Variants in SLC38A4 observed in about 807,000 individuals in gnomAD.
SLC38A4 encodes solute carrier family 38 member 4.
A neutral mutation model predicts 63.1 loss-of-function variants in SLC38A4; 20 were observed. The observed-to-expected ratio is 0.32, with a 90% CI of 0.22 to 0.46. The LOEUF (loss-of-function observed/expected upper bound fraction) is 0.46, where lower values mean the gene tolerates loss of function less well. Among genes scored for constraint, SLC38A4 ranks in the 20% least tolerant of loss-of-function variants. The probability of loss-of-function intolerance (pLI) is 1.00; values close to 1 mark genes in which losing one functional copy is unlikely to be tolerated. For missense variants in SLC38A4, 526 were observed against 663.6 expected, an observed-to-expected ratio of 0.79 and a Z score of 2.28; for synonymous variants, 230 against 225.5, an observed-to-expected ratio of 1.02 and a Z score of -0.18.
chr12:46,799,528 C>T (rs773447461), intron 2 of SLC38A4, among the ~76,000 whole-genome samples: 2 of 151,988 alleles, frequency 1.3e-5, no homozygotes, highest in Non-Finnish European at 2.9e-5. Context: ...AACCCGGGGT[C>T]GGAGGTTGCA....
chr12:46,829,182 G>T (rs1336920278), upstream of SLC38A4, among the ~76,000 whole-genome samples: 1 of 152,134 alleles, frequency 6.6e-6, no homozygotes. Context: ...AAGATTAAAT[G>T]AGATTCACAT....
intron 7 of SLC38A4, among the ~76,000 whole-genome samples, chr12:46,783,063 G>C (rs959476024): frequency 6.9e-5 from 4 of 58,104 alleles, no homozygotes; most frequent in Non-Finnish European, 1.3e-4. Flanking sequence ...TGTGTGTTAG[G>C]GTTGGAGGAC....
chr12:46,772,767 A>C (rs1477465247), intron 14 of SLC38A4, among the ~76,000 whole-genome samples: 2 of 152,134 alleles, frequency 1.3e-5, no homozygotes, highest in African/African-American at 4.8e-5. Flanking sequence ...TAAGAAAGAG[A>C]GCCCAGTTAC....
In SLC38A4 at chr12:46,769,157, A is replaced by C. The variant is rs370931312; in HGVS notation, c.1444+127T>G. 6 of 1,037,850 alleles carry C rather than the reference A, an allele frequency of 5.8e-6. No homozygotes were observed. In the South Asian group the frequency reaches 6.6e-5, roughly 11 times the overall value. The allele number at this position is 1,037,850 out of a possible 1,614,324, so 64.3% of individuals were successfully genotyped here. On this transcript the variant is annotated intron_variant, in intron 15 of 16. Transcript: ENST00000266579. The stretch of plus-strand genomic sequence containing the variant: ...AGCAGCTCAATCACCAGAGCCTCTC[A>C]GGGATAAAGGGAATCCATGAGCCTG...
intron 1 of SLC38A4, among the ~76,000 whole-genome samples, chr12:46,816,770 A>AT (rs1395189422): frequency 6.6e-6 from 1 of 151,868 alleles, no homozygotes; most frequent in African/African-American, 2.4e-5. Context: ...GGTTTTCTAA[A>AT]TTTTTTTGCA....
chr12:46,768,322 G>T lies in SLC38A4; in HGVS notation c.1530C>A (p.Pro510=). The change falls in exon 16 of 17, where the codon CCC becomes CCA. Residue 510 remains proline, a synonymous_variant. Coordinates refer to ENST00000266579, the MANE Select transcript of SLC38A4 (RefSeq NM_018018.5). ...AAGGTTTACTTACCCCGACCTTTTG[G>T]GGTGACCTAAAAGTTTCTTTCTTGA... The part of the protein sequence containing the change: ...KLVKKETFRS[P]QKVGALIFLV... 6.2e-7 allele frequency: 1 copy of T among 1,609,808 alleles called. No individual in the cohort carries two copies.
At chr12:46,808,402 AACT>A (rs1939277847) in intron 1 of SLC38A4, among the ~76,000 whole-genome samples, 1 of 152,054 alleles carries the variant, frequency 6.6e-6, no homozygotes, top group Non-Finnish European at 1.5e-5. Context: ...TTGAATAGTC[AACT>A]ACTATGTTGC....
chr12:46,772,216 G>C (rs766308566), intron 14 of SLC38A4, among the ~76,000 whole-genome samples: 2 of 151,826 alleles, frequency 1.3e-5, no homozygotes, highest in African/African-American at 4.8e-5. Context: ...AAGGATGTTG[G>C]AAAACCTACG....
At chr12:46,830,563 T>C (rs893690123), upstream of SLC38A4, among the ~76,000 whole-genome samples, 24 of 152,172 alleles carry the variant, frequency 1.6e-4, no homozygotes, top group Admixed American at 4.6e-4. Flanking sequence ...GTAGGATAGC[T>C]AGAAATCGGG....
At chr12:46,792,582 A>G (rs1938912485) in intron 3 of SLC38A4, among the ~76,000 whole-genome samples, 1 of 152,118 alleles carries the variant, frequency 6.6e-6, no homozygotes, top group Admixed American at 6.5e-5. Flanking sequence ...GGGTGAGGCC[A>G]TAGTAGTTGT....
chr12:46,820,900 A>C (rs979043546), intron 1 of SLC38A4, among the ~76,000 whole-genome samples: 17 of 151,826 alleles, frequency 1.1e-4, no homozygotes, highest in Non-Finnish European at 1.9e-4. Context: ...TTTCATTGTG[A>C]TTTTAATTTG....
chr12:46,806,594 C>T (rs1939237801), intron 1 of SLC38A4, among the ~76,000 whole-genome samples: 1 of 151,896 alleles, frequency 6.6e-6, no homozygotes, highest in Non-Finnish European at 1.5e-5. Flanking sequence ...TCTTGTATTC[C>T]TATTTCTTTT....
intron 1 of SLC38A4, among the ~76,000 whole-genome samples, chr12:46,809,626 C>T (rs4569081): frequency 0.74 from 113,239 of 152,042 alleles, 42,400 homozygotes; most frequent in African/African-American, 0.81. Flanking sequence ...TTGTACTTTA[C>T]GGTTGCTTTA....
chr12:46,797,195 A>G (rs1939027513), intron 2 of SLC38A4, among the ~76,000 whole-genome samples: 1 of 152,162 alleles, frequency 6.6e-6, no homozygotes, highest in Admixed American at 6.5e-5. Context: ...TTGTGGCTGC[A>G]TTAAAGGATG....
chr12:46,797,904 A>C (rs924802732), intron 2 of SLC38A4, among the ~76,000 whole-genome samples: 1 of 152,298 alleles, frequency 6.6e-6, no homozygotes, highest in East Asian at 1.9e-4. Flanking sequence ...CAATTATTCA[A>C]GTCAAAAGCA....
chr12:46,808,031 A>G (rs4554975), intron 1 of SLC38A4, among the ~76,000 whole-genome samples: 71,640 of 151,754 alleles, frequency 0.47, 18,737 homozygotes, highest in Non-Finnish European at 0.57. Flanking sequence ...CCAAATATAC[A>G]TATATATCTT....
chr12:46,772,085 C>A (rs1938428722), intron 14 of SLC38A4, among the ~76,000 whole-genome samples: 2 of 144,666 alleles, frequency 1.4e-5, no homozygotes, highest in South Asian at 2.3e-4. Flanking sequence ...ATGTGAAGGT[C>A]AAAAATGTGG....
chr12:46,775,734 C>T (rs896698439), intron 13 of SLC38A4, among the ~76,000 whole-genome samples: 1 of 151,900 alleles, frequency 6.6e-6, no homozygotes, highest in Non-Finnish European at 1.5e-5. Flanking sequence ...GTATAAGTAA[C>T]ATGCAGGGAT....
chr12:46,773,020 CT>C (rs1938449284), intron 14 of SLC38A4, among the ~76,000 whole-genome samples: 1 of 152,040 alleles, frequency 6.6e-6, no homozygotes, highest in South Asian at 2.1e-4. Context: ...CCAATAACAA[CT>C]TTTATCATTT....
Sources: allele counts gnomAD v4.1 joint callset (sites outside exome capture counted in the v4.1 genomes callset), GRCh38; gene constraint gnomAD v4.1.1; transcripts MANE v1.5; gene names NCBI Gene and HGNC (gene_info 2026-07-23, HGNC 2026-07-21).